MACF1: variants seen among roughly 807,000 people sequenced by gnomAD.
MACF1 encodes microtubule-actin cross-linking factor 1.
In MACF1, 193 loss-of-function variants were observed where a neutral mutation model predicts 854.8. The observed-to-expected ratio is 0.23, with a 90% confidence interval of 0.20 to 0.25. The LOEUF is 0.25. Among genes scored for constraint, MACF1 ranks in the 10% least tolerant of loss-of-function variants. The probability of loss-of-function intolerance (pLI) is 1.00; values close to 1 mark genes in which losing one functional copy is unlikely to be tolerated. For missense variants in MACF1, 7,722 were observed against 8,929.1 expected, an observed-to-expected ratio of 0.86 and a Z score of 5.45; for synonymous variants, 3,185 against 3,226.7, an observed-to-expected ratio of 0.99 and a Z score of 0.44.
chr1:39,155,894 GT>G (rs1251062150), intron 2 of MACF1, among the ~76,000 whole-genome samples: 22 of 130,860 alleles, frequency 1.7e-4, no homozygotes, highest in South Asian at 2.5e-4. Flanking sequence ...TAATTGTTTT[GT>G]TTTTTTTTTT....
chr1:39,334,018 C>T lies in MACF1; in HGVS notation c.7430C>T (p.Pro2477Leu). Residue 2477 changes from proline to leucine, a missense_variant, in exon 37 of 101, where the codon CCT (proline) becomes CTT (leucine). Coordinates refer to ENST00000564288, the MANE Select transcript of MACF1 (RefSeq NM_001394062.1). The stretch of plus-strand genomic sequence containing the variant: ...CTTATAGACCCTGATAGTAAAGCAC[C>T]TTTAACAGTTGTGCAGTCCATTGAC... Reference protein sequence around the residue: ...TGLIDPDSKAPLTVVQSIDRG... With the variant: ...TGLIDPDSKALLTVVQSIDRG... The T allele has an allele frequency of 2.9e-5, 47 of 1,614,106 alleles. No homozygotes were observed. The highest frequency in any genetic ancestry group is 3.8e-5 in the Non-Finnish European group (45 of 1,180,026).
Position 39,331,723 on chromosome 1 carries a change from A to G in MACF1, c.5135A>G (p.Asp1712Gly). 6.2e-7 allele frequency: 1 copy of G among 1,614,196 alleles called. No individual in the cohort carries two copies. Among genetic ancestry groups the G allele is most frequent in the Non-Finnish European group, 8.5e-7 (1 of 1,180,032 alleles). Residue 1712 changes from aspartate (D) to glycine (G), a missense_variant, in exon 37 of 101, where the codon GAT (aspartate) becomes GGT (glycine). Asp to Gly is a moderately conservative substitution (Grantham distance 94). Transcript: ENST00000564288. ...ACAGCTGAGAAAATTGGTTTGCTGG[A>G]TCTGATGCAGCGATGTATTGTCCAC... is the stretch of plus-strand genomic sequence containing the variant. ...PNTAEKIGLL[D>G]LMQRCIVHQE... is the part of the protein sequence containing the mutation.
intron 97 of MACF1, among the ~76,000 whole-genome samples, chr1:39,476,080 A>G (rs572428760): frequency 1.3e-5 from 2 of 152,346 alleles, no homozygotes; most frequent in African/African-American, 4.8e-5. Context: ...TTTTTCCTGT[A>G]TGTACTCATG....
intron 61 of MACF1, among the ~76,000 whole-genome samples, chr1:39,426,300 A>C (rs959844450): frequency 6.6e-6 from 1 of 152,188 alleles, no homozygotes; most frequent in African/African-American, 2.4e-5. Context: ...CAAAATGCCA[A>C]CTTTTTTTAT....
chr1:39,331,495 A>G lies in MACF1; in HGVS notation c.4907A>G (p.Glu1636Gly). Reference protein sequence around the residue: ...TESRGPLSVVEAIEKRIISET... With the variant: ...TESRGPLSVVGAIEKRIISET... ...AGCAGAGGCCCTCTTTCTGTGGTGGAAGCAATTGAAAAGAGAATAATCAGT... is the reference window on the plus strand; with the variant it reads ...AGCAGAGGCCCTCTTTCTGTGGTGGGAGCAATTGAAAAGAGAATAATCAGT... Residue 1636 changes from glutamate to glycine, a missense_variant, in exon 37 of 101, where the codon GAA (glutamate) becomes GGA (glycine). Transcript: ENST00000564288. 2 of 1,614,188 alleles carry G rather than the reference A, an allele frequency of 1.2e-6. No homozygotes were observed. Among genetic ancestry groups the G allele is most frequent in the African/African-American group, 1.3e-5 (1 of 75,046 alleles).
At chr1:39,462,146 A>G in intron 93 of MACF1, 109 bp downstream of exon 93, 1 of 1,066,848 alleles carries the variant, frequency 9.4e-7, no homozygotes, top group Admixed American at 2.3e-5. Flanking sequence ...CTGTTGGGAG[A>G]TAATTATTTG....
chr1:39,237,863 C>CA (rs998971451), intron 2 of MACF1, among the ~76,000 whole-genome samples: 2 of 151,366 alleles, frequency 1.3e-5, no homozygotes, highest in African/African-American at 4.9e-5. Context: ...GCTCCAGTTA[C>CA]AAAAAAATTT....
At chr1:39,370,677 C>T (rs569775046) in intron 51 of MACF1, among the ~76,000 whole-genome samples, 1 of 152,284 alleles carries the variant, frequency 6.6e-6, no homozygotes, top group East Asian at 1.9e-4. Context: ...TCCTTATTTT[C>T]TCAGTAAAGC....
intron 89 of MACF1, among the ~76,000 whole-genome samples, chr1:39,456,159 C>A (rs894400532): frequency 6.6e-6 from 1 of 152,162 alleles, no homozygotes; most frequent in Non-Finnish European, 1.5e-5. Context: ...CATGGTGAAA[C>A]CCTATCTCTA....
chr1:39,334,915 A>C lies in MACF1; in HGVS notation c.8327A>C (p.Gln2776Pro). Residue 2776 changes from glutamine (Q) to proline (P), a missense_variant, in exon 37 of 101, where the codon CAA becomes CCA. This residue lies in a region of MACF1 where 1,531 missense variants were observed against 1,601.6 expected (regional missense o/e 0.96). Transcript: ENST00000564288. The stretch of plus-strand genomic sequence containing the variant: ...GATCACAGGGCTCAGATTGAAAAGC[A>C]AGAAGGGATTGAAGTGTGTGCATTA... ...FSDHRAQIEK[Q>P]EGIEVCALQN... is the part of the protein sequence containing the mutation. 6.2e-7 allele frequency: 1 copy of C among 1,614,224 alleles called. No homozygotes were observed. The highest frequency in any genetic ancestry group is 2.2e-5 in the East Asian group (1 of 44,882).
In MACF1 at chr1:39,285,217, C is replaced by A. The variant is rs1645619749; in HGVS notation, c.1259+7C>A. On this transcript the variant is annotated splice_region_variant and intron_variant, in intron 12 of 100. Coordinates refer to ENST00000564288, the MANE Select transcript of MACF1 (RefSeq NM_001394062.1). ...TTCGGCCGGCTGTGGAGAGGTGGGT[C>A]CAGATCCTGAGAGTGGTCTGACATT... is the stretch of plus-strand genomic sequence containing the variant. 1 of 1,614,004 alleles carries A rather than the reference C, an allele frequency of 6.2e-7. No individual in the cohort carries two copies.
intron 20 of MACF1, among the ~76,000 whole-genome samples, chr1:39,296,811 A>AAAGAAAGG (rs1491230575): frequency 0.018 from 1,956 of 105,964 alleles, 48 homozygotes; most frequent in Middle Eastern, 0.048. Flanking sequence ...GAAAAGAAAG[A>AAAGAAAGG]AAGGAAGGAA....
intron 79 of MACF1, 66 bp from the exon 80 acceptor site, chr1:39,444,596 G>T: frequency 7.0e-7 from 1 of 1,424,012 alleles, no homozygotes; most frequent in Non-Finnish European, 9.6e-7. Context: ...CTCTGCTACA[G>T]AATCTATATG....
Position 39,447,607 on chromosome 1 carries a change from G to A in MACF1, c.19761+20G>A. 3 of 1,613,706 alleles carry A rather than the reference G, an allele frequency of 1.9e-6. No homozygotes were observed. Among genetic ancestry groups the A allele is most frequent in the Non-Finnish European group, 2.5e-6 (3 of 1,179,716 alleles). On this transcript the variant is annotated intron_variant, in intron 81 of 100. Transcript: ENST00000564288. The stretch of plus-strand genomic sequence containing the variant: ...CACAAGGTAAGTATGATATTATGAT[G>A]CTGCATTCTTTTTGAAAGCACTAAT...
rs772436487 is a variant in MACF1, at chr1:39,292,895, C to CA, written c.1992+54dup. ...TCTGCTCATAGAGTCTGGTTCCCCC[C>CA]AATCAACTCTCTTCCGTAATTCAGA... On this transcript the variant is annotated intron_variant, in intron 17 of 100. Coordinates refer to ENST00000564288, the MANE Select transcript of MACF1 (RefSeq NM_001394062.1). 8 of 1,420,320 alleles carry CA rather than the reference C, an allele frequency of 5.6e-6. 1 individual carries two copies. The Middle Eastern group carries it at 8.9e-4, about 158-fold the overall frequency. The allele number at this position is 1,420,320 out of a possible 1,614,324, so 88.0% of individuals were successfully genotyped here.
At chr1:39,156,760 G>C (rs778309180) in intron 2 of MACF1, among the ~76,000 whole-genome samples, 4 of 152,042 alleles carry the variant, frequency 2.6e-5, no homozygotes, top group Non-Finnish European at 2.9e-5. Context: ...TCTAATTTAC[G>C]GTCTTTAAGC....
At position 39,155,851 on chromosome 1, in the gene MACF1, C is replaced by T. The variant is rs773677516; in HGVS notation, c.220+71413C>T. ...TCTCCTGCCTCAGCCTCCCAAATAGCTGGGATTACAGGGGTCCACCACCGT... is the reference window on the plus strand; with the variant it reads ...TCTCCTGCCTCAGCCTCCCAAATAGTTGGGATTACAGGGGTCCACCACCGT... On this transcript the variant is annotated intron_variant, in intron 2 of 93. Transcript: ENST00000361689. Among the ~76,000 whole-genome samples, 10 of 151,532 alleles carry T rather than the reference C, an allele frequency of 6.6e-5. No individual in the cohort carries two copies. The South Asian group carries it at 8.3e-4, about 13-fold the overall frequency.
Position 39,285,624 on chromosome 1 carries a change from A to G in MACF1, c.1374A>G (p.Ser458=). 5.0e-6 allele frequency: 8 copies of G among 1,613,720 alleles called. No homozygotes were observed. Among genetic ancestry groups the G allele is most frequent in the Non-Finnish European group, 5.9e-6 (7 of 1,179,880 alleles). The change falls in exon 14 of 101, where the codon TCA becomes TCG. Residue 458 remains serine (S), a synonymous_variant. Transcript: ENST00000564288. ...TLQADAAHLE[S]GQPVQCESDV... is the part of the protein sequence containing the mutation. ...CTCAGGATGCTGCTCACCTGGAATC[A>G]GGACAACCGGTACAATGTGAGTCAG... is the stretch of plus-strand genomic sequence containing the variant.
At chr1:39,108,536 A>G (rs902837511) in intron 2 of MACF1, among the ~76,000 whole-genome samples, 65 of 107,008 alleles carry the variant, frequency 6.1e-4, no homozygotes, top group African/African-American at 2.1e-3. Context: ...TTTGAGACGG[A>G]GTCTCACTCT....
Sources: gnomAD v4.1 joint callset for allele counts (sites outside exome capture counted in the v4.1 genomes callset) on GRCh38, gnomAD v4.1.1 for gene constraint, gnomAD v4.1.1 regional missense constraint, MANE v1.5 for transcripts, NCBI Gene and HGNC (gene_info 2026-07-23, HGNC 2026-07-21) for gene names.